PPP3CA: variants seen among roughly 807,000 people sequenced by gnomAD.
PPP3CA encodes the protein protein phosphatase 3 catalytic subunit alpha, also known as CAM-PRP catalytic subunit.
A neutral mutation model predicts 66.5 loss-of-function variants in PPP3CA; 14 were observed. That is an observed-to-expected ratio of 0.21 (90% CI 0.14 to 0.33). The LOEUF is 0.33. Ranked by LOEUF, PPP3CA falls within the 10% of genes least tolerant of loss-of-function variation. The pLI, the probability that PPP3CA is intolerant of heterozygous loss-of-function variation, is 1.00. For missense variants in PPP3CA, 317 were observed against 639.5 expected (o/e 0.50, Z 5.44); for synonymous variants, 232 against 226.2 (o/e 1.03, Z -0.23).
At chr4:101,041,429 A>ATTTTTTTTTTTTTT (rs11296247) in intron 10 of PPP3CA, among the ~76,000 whole-genome samples, 1 of 86,154 alleles carries the variant, frequency 1.2e-5, no homozygotes, top group African/African-American at 4.5e-5. Flanking sequence ...TACCTCACAA[A>ATTTTTTTTTTTTTT]TTTTTTTTTT....
intron 8 of PPP3CA, among the ~76,000 whole-genome samples, chr4:101,066,332 A>G (rs978460834): frequency 6.6e-6 from 1 of 152,174 alleles, no homozygotes; most frequent in African/African-American, 2.4e-5. Flanking sequence ...ATTATTCACC[A>G]GACTAAGGTA....
At chr4:101,043,381 A>G (rs1014899424) in intron 10 of PPP3CA, among the ~76,000 whole-genome samples, 2 of 152,050 alleles carry the variant, frequency 1.3e-5, no homozygotes, top group Admixed American at 6.5e-5. Context: ...AAAATGCTCA[A>G]ATACATACTA....
chr4:101,250,350 T>A, intron 1 of PPP3CA: 1 of 456,484 alleles, frequency 2.2e-6, no homozygotes, highest in Non-Finnish European at 4.4e-6. Flanking sequence ...ATCTTTCATA[T>A]CCTCATACCC....
chr4:101,155,081 C>T (rs1723274466), intron 2 of PPP3CA, among the ~76,000 whole-genome samples: 1 of 152,134 alleles, frequency 6.6e-6, no homozygotes. Flanking sequence ...TCCCAAAGTG[C>T]TGGGATTACG....
At chr4:101,304,146 CAT>C (rs1294275903) in intron 1 of PPP3CA, among the ~76,000 whole-genome samples, 2 of 152,140 alleles carry the variant, frequency 1.3e-5, no homozygotes, top group African/African-American at 4.8e-5. Context: ...AGTTTCTTAA[CAT>C]GTGTACAAAG....
chr4:101,224,177 AC>A (rs1725710573), intron 1 of PPP3CA, among the ~76,000 whole-genome samples: 1 of 151,844 alleles, frequency 6.6e-6, no homozygotes, highest in Non-Finnish European at 1.5e-5. Context: ...TAATAATTAC[AC>A]TGGGACAGCA....
At chr4:101,345,849 A>C (rs2110346500) in intron 1 of PPP3CA, among the ~76,000 whole-genome samples, 1 of 152,360 alleles carries the variant, frequency 6.6e-6, no homozygotes, top group South Asian at 2.1e-4. Flanking sequence ...CGTTACAAAA[A>C]GGATGCCAGG....
At chr4:101,041,500 T>C (rs1469867313) in intron 10 of PPP3CA, among the ~76,000 whole-genome samples, 1 of 147,312 alleles carries the variant, frequency 6.8e-6, no homozygotes, top group Non-Finnish European at 1.5e-5. Flanking sequence ...AGTGGTGCGA[T>C]TTCGGCTCAC....
intron 1 of PPP3CA, among the ~76,000 whole-genome samples, chr4:101,263,168 T>A (rs932247895): frequency 6.6e-6 from 1 of 152,184 alleles, no homozygotes; most frequent in Non-Finnish European, 1.5e-5. Flanking sequence ...GACAAATACA[T>A]GTCACTAGGC....
intron 10 of PPP3CA, among the ~76,000 whole-genome samples, chr4:101,051,141 G>C (rs575414778): frequency 6.6e-6 from 1 of 152,244 alleles, no homozygotes; most frequent in South Asian, 2.1e-4. Flanking sequence ...ACAGAGTTCT[G>C]AGACAAAACG....
chr4:101,288,544 G>A (rs1339554825), intron 1 of PPP3CA, among the ~76,000 whole-genome samples: 2 of 151,318 alleles, frequency 1.3e-5, no homozygotes, highest in African/African-American at 4.9e-5. Flanking sequence ...GGAGAAGGGA[G>A]CGGGAGGGGG....
Position 101,302,562 on chromosome 4 carries a change from C to T in PPP3CA, c.58+44177G>A, listed in dbSNP as rs569177862. 2.6e-5 allele frequency among the ~76,000 whole-genome samples: 4 copies of T among 152,314 alleles called. No homozygotes were observed. In the South Asian group the frequency reaches 8.3e-4, roughly 32 times the overall value. On this transcript the variant is annotated intron_variant, in intron 1 of 13. Coordinates refer to ENST00000394854, the MANE Select transcript of PPP3CA (RefSeq NM_000944.5). ...TCTGTTTTTTTGAGATGGAATTTCA[C>T]TCTTGTTGCCCAGGCTGGAGTGCAA...
At chr4:101,265,589 A>G (rs538331050) in intron 1 of PPP3CA, among the ~76,000 whole-genome samples, 14 of 152,354 alleles carry the variant, frequency 9.2e-5, no homozygotes, top group African/African-American at 3.1e-4. Flanking sequence ...AAACATGAAT[A>G]AATACAAACA....
chr4:101,029,935 AAG>A (rs1726865670), intron 12 of PPP3CA, among the ~76,000 whole-genome samples: 1 of 151,884 alleles, frequency 6.6e-6, no homozygotes, highest in Non-Finnish European at 1.5e-5. Flanking sequence ...TCCTTTTTGG[AAG>A]TAAAATTCTT....
At chr4:101,227,951 T>C (rs902115273) in intron 1 of PPP3CA, among the ~76,000 whole-genome samples, 1 of 151,748 alleles carries the variant, frequency 6.6e-6, no homozygotes, top group African/African-American at 2.4e-5. Context: ...TTTATCACAT[T>C]TTCTTTATTC....
intron 10 of PPP3CA, among the ~76,000 whole-genome samples, chr4:101,060,360 G>A (rs891863981): frequency 8.6e-5 from 13 of 151,988 alleles, no homozygotes; most frequent in African/African-American, 3.1e-4. Flanking sequence ...CACTGCACCC[G>A]GCCTCAACTG....
chr4:101,095,851 C>A (rs1021999446), intron 5 of PPP3CA, among the ~76,000 whole-genome samples: 5 of 152,162 alleles, frequency 3.3e-5, no homozygotes, highest in African/African-American at 4.8e-5. Context: ...GGGGTTTCAA[C>A]ATGTTGGTCA....
chr4:101,090,400 A>G (rs1389356574), intron 6 of PPP3CA, among the ~76,000 whole-genome samples: 2 of 152,074 alleles, frequency 1.3e-5, no homozygotes, highest in Non-Finnish European at 2.9e-5. Context: ...GCACTTTGGG[A>G]GGCCGAGGTG....
intron 2 of PPP3CA, among the ~76,000 whole-genome samples, chr4:101,146,901 AT>A (rs1423737519): frequency 3.3e-5 from 5 of 152,150 alleles, no homozygotes; most frequent in South Asian, 4.1e-4. Context: ...AGCCCTAAGC[AT>A]TTCCTTTGAG....
Sources: allele counts gnomAD v4.1 joint callset (sites outside exome capture counted in the v4.1 genomes callset), GRCh38; gene constraint gnomAD v4.1.1; transcripts MANE v1.5; gene names NCBI Gene and HGNC (gene_info 2026-07-23, HGNC 2026-07-21).